The following CSMD1 variants were observed in gnomAD, a reference collection of about 807,000 sequenced individuals.
CSMD1 encodes the protein CUB and sushi domain-containing protein 1.
CSMD1 carries 213 observed loss-of-function variants against 417.5 expected under a neutral mutation model. The observed-to-expected ratio is 0.51, with a 90% confidence interval of 0.46 to 0.57. The LOEUF (loss-of-function observed/expected upper bound fraction) is 0.57, where lower values mean the gene tolerates loss of function less well. Ranked by LOEUF, CSMD1 falls within the 20% of genes least tolerant of loss-of-function variation. The probability of loss-of-function intolerance (pLI) is 0.00; values close to 1 mark genes in which losing one functional copy is unlikely to be tolerated. For synonymous variants in CSMD1, 2,862 were observed against 1,736.8 expected (o/e 1.65, Z -16.11); for missense variants, 6,923 against 4,529.7 (o/e 1.53, Z -15.17).
chr8:4,046,695 G>C (rs554407776), intron 3 of CSMD1, among the ~76,000 whole-genome samples: 19 of 152,266 alleles, frequency 1.2e-4, no homozygotes, highest in African/African-American at 4.1e-4. Context: ...GATTTTAAAA[G>C]GATGTAGATA....
intron 3 of CSMD1, among the ~76,000 whole-genome samples, chr8:4,392,016 G>C (rs191269849): frequency 6.6e-6 from 1 of 152,234 alleles, no homozygotes; most frequent in East Asian, 1.9e-4. Flanking sequence ...AAACTTGTGA[G>C]TGGGTAAGTG....
chr8:4,582,379 G>A (rs927784905), intron 2 of CSMD1, among the ~76,000 whole-genome samples: 2 of 152,174 alleles, frequency 1.3e-5, no homozygotes, highest in Admixed American at 1.3e-4. Flanking sequence ...ATTGTTTTGA[G>A]GACAAAGGAG....
At chr8:4,760,721 G>A (rs1310726198) in intron 1 of CSMD1, among the ~76,000 whole-genome samples, 1 of 152,086 alleles carries the variant, frequency 6.6e-6, no homozygotes, top group Non-Finnish European at 1.5e-5. Context: ...GGTGTATTTT[G>A]TAATAATGAT....
chr8:3,409,286 G>A (rs903507658), intron 13 of CSMD1, 137 bp downstream of exon 13: 9 of 678,862 alleles, frequency 1.3e-5, no homozygotes, highest in Non-Finnish European at 2.0e-5. Context: ...GTCCTTGCAC[G>A]TTTCCAGTAA....
chr8:3,963,958 G>C (rs1812504635), intron 5 of CSMD1, among the ~76,000 whole-genome samples: 1 of 152,114 alleles, frequency 6.6e-6, no homozygotes, highest in South Asian at 2.1e-4. Context: ...AAAGTTCGTT[G>C]GATTTAAAGG....
At chr8:3,874,596 C>T (rs745336715) in intron 5 of CSMD1, among the ~76,000 whole-genome samples, 2 of 152,162 alleles carry the variant, frequency 1.3e-5, no homozygotes, top group Non-Finnish European at 2.9e-5. Context: ...TTAAAAGCAT[C>T]ATTCAGTAGA....
intron 3 of CSMD1, among the ~76,000 whole-genome samples, chr8:4,132,219 G>T (rs1274823092): frequency 7.0e-6 from 1 of 143,286 alleles, no homozygotes; most frequent in Non-Finnish European, 1.5e-5. Context: ...TTTTTTTCAC[G>T]GGGTAGTAAT....
intron 2 of CSMD1, among the ~76,000 whole-genome samples, chr8:4,615,103 G>A (rs557144225): frequency 8.5e-4 from 130 of 152,190 alleles, no homozygotes; most frequent in Non-Finnish European, 1.3e-3. Context: ...TAGTACCTCT[G>A]TAACTGCATG....
chr8:3,348,603 C>T (rs1279790839), intron 21 of CSMD1, among the ~76,000 whole-genome samples: 2 of 152,188 alleles, frequency 1.3e-5, no homozygotes, highest in Non-Finnish European at 2.9e-5. Flanking sequence ...CTTATGGCAT[C>T]AACTGGGACG....
intron 1 of CSMD1, among the ~76,000 whole-genome samples, chr8:4,969,563 C>A (rs1810107503): frequency 2.0e-5 from 3 of 151,812 alleles, no homozygotes; most frequent in African/African-American, 7.3e-5. Flanking sequence ...TCTTATCTCA[C>A]AACAGCTCAG....
intron 5 of CSMD1, among the ~76,000 whole-genome samples, chr8:3,878,702 G>A (rs1451272656): frequency 1.3e-5 from 2 of 152,116 alleles, no homozygotes; most frequent in South Asian, 2.1e-4. Context: ...TATGTCTGAT[G>A]CTTCAGTGAG....
chr8:3,205,050 C>G (rs545164906), intron 31 of CSMD1, among the ~76,000 whole-genome samples: 1 of 152,158 alleles, frequency 6.6e-6, no homozygotes, highest in Admixed American at 6.5e-5. Context: ...CCTGCTTCTC[C>G]GTCCCTCAGC....
At chr8:3,864,510 C>T (rs183833201) in intron 5 of CSMD1, among the ~76,000 whole-genome samples, 1 of 152,134 alleles carries the variant, frequency 6.6e-6, no homozygotes, top group Non-Finnish European at 1.5e-5. Flanking sequence ...GGTACATGTG[C>T]ACAACGTGCA....
chr8:3,555,285 G>A (rs187863273), intron 10 of CSMD1, among the ~76,000 whole-genome samples: 1 of 152,204 alleles, frequency 6.6e-6, no homozygotes, highest in East Asian at 1.9e-4. Context: ...GATGATTTAG[G>A]CAGTATTTCA....
intron 3 of CSMD1, among the ~76,000 whole-genome samples, chr8:4,367,892 A>C (rs1055144087): frequency 2.6e-5 from 4 of 152,134 alleles, no homozygotes; most frequent in Non-Finnish European, 5.9e-5. Context: ...TAATTTTCGT[A>C]CATTATTTTG....
At chr8:3,622,138 T>C (rs1478250319) in intron 7 of CSMD1, among the ~76,000 whole-genome samples, 2 of 152,190 alleles carry the variant, frequency 1.3e-5, no homozygotes, top group Non-Finnish European at 2.9e-5. Context: ...AGTGGTCTAC[T>C]ACTAGCTCTC....
chr8:4,448,338 G>T lies in CSMD1; in HGVS notation c.303-28273C>A, dbSNP rs77129058. Among the ~76,000 whole-genome samples the T allele has an allele frequency of 5.6e-3, 860 of 152,246 alleles. 6 individuals carry two copies. Among genetic ancestry groups the T allele is most frequent in the African/African-American group, 0.019 (809 of 41,556 alleles). On this transcript the variant is annotated intron_variant, in intron 2 of 69. Coordinates refer to ENST00000635120, the MANE Select transcript of CSMD1 (RefSeq NM_033225.6). ...TCTAGGAGGATTTTTAATTTAAAAA[G>T]CCTTCTGCACTAACTCAATTAACAG...
intron 7 of CSMD1, among the ~76,000 whole-genome samples, chr8:3,695,846 C>G (rs1263282262): frequency 6.6e-6 from 1 of 152,178 alleles, no homozygotes; most frequent in African/African-American, 2.4e-5. Context: ...TGTTTCATTT[C>G]ACAGAAATTA....
intron 8 of CSMD1, among the ~76,000 whole-genome samples, chr8:3,595,728 G>C (rs971381892): frequency 1.3e-5 from 2 of 152,186 alleles, no homozygotes; most frequent in Non-Finnish European, 2.9e-5. Context: ...AATGTTCCAA[G>C]TTATGTTATA....
Sources: allele counts gnomAD v4.1 joint callset (sites outside exome capture counted in the v4.1 genomes callset), GRCh38; gene constraint gnomAD v4.1.1; transcripts MANE v1.5; gene names NCBI Gene and HGNC (gene_info 2026-07-23, HGNC 2026-07-21).